SYCE1: variants seen among roughly 807,000 people sequenced by gnomAD.
The protein encoded by SYCE1 is cancer/testis antigen 76.
In SYCE1, 37 loss-of-function variants were observed where a neutral mutation model predicts 55.1. The observed-to-expected ratio is 0.67, with a 90% CI of 0.52 to 0.88. The LOEUF (loss-of-function observed/expected upper bound fraction) is 0.88, where lower values mean the gene tolerates loss of function less well. SYCE1 is among the 40% of genes least tolerant of loss of function. SYCE1 has a pLI of 0.00. For synonymous variants in SYCE1, 163 were observed against 159.4 expected, an observed-to-expected ratio of 1.02 and a Z score of -0.17; for missense variants, 399 against 416.4, an observed-to-expected ratio of 0.96 and a Z score of 0.36.
rs1264606313 is a variant in SYCE1 at position 133,557,054 on chromosome 10, T to C, written c.464+13A>G. The C allele has an allele frequency of 6.2e-7, 1 of 1,611,828 alleles. No individual in the cohort carries two copies. Among genetic ancestry groups the C allele is most frequent in the Non-Finnish European group, 8.5e-7 (1 of 1,177,978 alleles). On this transcript the variant is annotated intron_variant, in intron 7 of 12. Transcript: ENST00000343131. ...GGCCATCCAAACCCCCTGCCTCAGATGCTAAGGTTTACCTCAGCTGTCTCT... is the reference window on the plus strand; with the variant it reads ...GGCCATCCAAACCCCCTGCCTCAGACGCTAAGGTTTACCTCAGCTGTCTCT...
chr10:133,556,504 G>T (rs1851686495), intron 8 of SYCE1: 1 of 563,972 alleles, frequency 1.8e-6, no homozygotes, highest in Admixed American at 3.0e-5. Context: ...TCTCCTTTGT[G>T]CCCGTGATGG....
downstream of SYCE1, chr10:133,554,753 TG>T: frequency 1.5e-6 from 2 of 1,361,130 alleles, no homozygotes; most frequent in Non-Finnish European, 2.0e-6. Context: ...CCAGACCTCC[TG>T]GGCCCACTGT....
At chr10:133,559,067 G>A (rs1851759463) in intron 3 of SYCE1, 116 bp from the exon 4 acceptor site, 1 of 1,147,930 alleles carries the variant, frequency 8.7e-7, no homozygotes, top group Admixed American at 2.7e-5. Context: ...TATAGAGTAG[G>A]AAACGAGGCT....
intron 8 of SYCE1, 85 bp downstream of exon 8, chr10:133,556,674 G>C: frequency 1.4e-6 from 2 of 1,398,108 alleles, no homozygotes; most frequent in South Asian, 2.5e-5. Context: ...ACTGGTTGTG[G>C]CAGGTGAGAG....
intron 1 of SYCE1, among the ~76,000 whole-genome samples, chr10:133,563,088 T>G (rs1851851571): frequency 1.3e-5 from 2 of 152,238 alleles, no homozygotes; most frequent in Non-Finnish European, 2.9e-5. Flanking sequence ...GATGCCCAGT[T>G]TTTCATTTTT....
chr10:133,567,901 T>G, upstream of SYCE1: 1 of 512,116 alleles, frequency 2.0e-6, no homozygotes, highest in African/African-American at 1.9e-5. Context: ...TGAGGCGGCG[T>G]GGGCAGGCAG....
chr10:133,568,109 C>T (rs1443113862), upstream of SYCE1: 2 of 735,612 alleles, frequency 2.7e-6, no homozygotes, highest in Non-Finnish European at 4.7e-6. Flanking sequence ...CCGCAGCAGC[C>T]CCAGGGCACT....
intron 1 of SYCE1, among the ~76,000 whole-genome samples, chr10:133,564,653 G>C (rs1851884778): frequency 6.6e-6 from 1 of 152,184 alleles, no homozygotes; most frequent in South Asian, 2.1e-4. Context: ...CGCAGGTAGG[G>C]CTGGAGGCAG....
rs775149425 is a variant in SYCE1 at position 133,558,149 on chromosome 10, CAG to C, written c.319+16_319+17del. Reference sequence around the variant, plus strand: ...GTTGGCAAAGGCACAAGCCTGGAGACAGGGGAGCGGCAAATACCTTGTTTTTT... The same window carrying C: ...GTTGGCAAAGGCACAAGCCTGGAGACGGGAGCGGCAAATACCTTGTTTTTT... On this transcript the variant is annotated intron_variant, in intron 5 of 12. Coordinates refer to ENST00000343131, the MANE Select transcript of SYCE1 (RefSeq NM_001143764.3). The C allele has an allele frequency of 2.4e-5, 38 of 1,613,992 alleles. No homozygotes were observed. Among genetic ancestry groups the C allele is most frequent in the African/African-American group, 6.7e-5 (5 of 74,902 alleles).
upstream of SYCE1, among the ~76,000 whole-genome samples, chr10:133,567,315 A>C (rs1488200118): frequency 6.7e-6 from 1 of 150,220 alleles, no homozygotes; most frequent in Non-Finnish European, 1.5e-5. Flanking sequence ...GTTAGGGTTA[A>C]GGTTTAGGCT....
intron 1 of SYCE1, among the ~76,000 whole-genome samples, chr10:133,561,452 C>T (rs868700059): frequency 1.6e-4 from 24 of 152,198 alleles, no homozygotes; most frequent in Admixed American, 7.2e-4. Flanking sequence ...AACAACTCTA[C>T]TCTTTTTTTG....
intron 7 of SYCE1, 81 bp downstream of exon 7, chr10:133,556,986 C>T: frequency 6.6e-7 from 1 of 1,515,452 alleles, no homozygotes; most frequent in South Asian, 1.1e-5. Flanking sequence ...TCAGTGTAGC[C>T]AGCTTTTCTA....
chr10:133,566,612 G>A (rs1275683345), upstream of SYCE1, among the ~76,000 whole-genome samples: 1 of 100,420 alleles, frequency 1.0e-5, no homozygotes, highest in Non-Finnish European at 2.4e-5. Context: ...TGGGGTTAGG[G>A]TATTGGGGTT....
intron 7 of SYCE1, 92 bp downstream of exon 7, chr10:133,556,975 C>T: frequency 6.7e-7 from 1 of 1,491,988 alleles, no homozygotes; most frequent in Non-Finnish European, 9.3e-7. Context: ...ATCTCCATGG[C>T]TCAGTGTAGC....
intron 1 of SYCE1, among the ~76,000 whole-genome samples, chr10:133,563,805 T>C (rs1292495960): frequency 6.6e-6 from 1 of 152,186 alleles, no homozygotes; most frequent in African/African-American, 2.4e-5. Context: ...CATAAATTTT[T>C]GCATTAAGTT....
chr10:133,557,036 C>A (rs1174554509), intron 7 of SYCE1, 31 bp downstream of exon 7: 1 of 1,605,810 alleles, frequency 6.2e-7, no homozygotes, highest in Non-Finnish European at 8.5e-7. Context: ...ACTGGCCATC[C>A]AAACCCCCTG....
Position 133,559,451 on chromosome 10 carries a change from A to G in SYCE1, c.137-91T>C, listed in dbSNP as rs776603486. The G allele has an allele frequency of 2.9e-4, 379 of 1,289,568 alleles. 1 individual carries two copies. Among genetic ancestry groups the G allele is most frequent in the Non-Finnish European group, 4.1e-4 (364 of 888,818 alleles). The allele number at this position is 1,289,568 out of a possible 1,614,324, so 79.9% of individuals were successfully genotyped here. ...TCTCTGCTGCTTTCACGCAACACAG[A>G]TCTATTGAGTACCTCCTGCAAGCAG... On this transcript the variant is annotated intron_variant, in intron 2 of 12. Coordinates refer to ENST00000343131, the MANE Select transcript of SYCE1 (RefSeq NM_001143764.3).
chr10:133,556,077 C>T, intron 8 of SYCE1, 30 bp from the exon 9 acceptor site: 1 of 1,609,738 alleles, frequency 6.2e-7, no homozygotes, highest in South Asian at 1.1e-5. Context: ...CCTGTCCACT[C>T]CTCTTGGCTT....
At chr10:133,557,333 C>T (rs994418101) in intron 6 of SYCE1, 177 bp from the exon 7 acceptor site, 7 of 630,684 alleles carry the variant, frequency 1.1e-5, no homozygotes, top group Non-Finnish European at 2.0e-5. Context: ...GTATTGTTGT[C>T]AGGTTAAGAG....
Sources: gnomAD v4.1 joint callset for allele counts (sites outside exome capture counted in the v4.1 genomes callset) on GRCh38, gnomAD v4.1.1 for gene constraint, MANE v1.5 for transcripts, NCBI Gene and HGNC (gene_info 2026-07-23, HGNC 2026-07-21) for gene names.